STAB1: variants seen among roughly 807,000 people sequenced by gnomAD.
STAB1 encodes stabilin-1.
A neutral mutation model predicts 332.4 loss-of-function variants in STAB1; 250 were observed. The observed-to-expected ratio is 0.75, with a 90% CI of 0.68 to 0.84. The LOEUF (loss-of-function observed/expected upper bound fraction) is 0.84. Among genes scored for constraint, STAB1 ranks in the 40% least tolerant of loss-of-function variants. The probability of loss-of-function intolerance (pLI) is 0.00; values close to 1 mark genes in which losing one functional copy is unlikely to be tolerated. For synonymous variants in STAB1, 1,475 were observed against 1,390.4 expected, an observed-to-expected ratio of 1.06 and a Z score of -1.35; for missense variants, 3,249 against 3,489.7, an observed-to-expected ratio of 0.93 and a Z score of 1.74.
chr3:52,496,685 G>A (rs1293592118), intron 1 of STAB1, among the ~76,000 whole-genome samples: 3 of 152,222 alleles, frequency 2.0e-5, no homozygotes, highest in African/African-American at 7.2e-5. Context: ...TTCCCCCTGT[G>A]TACCATGCAA....
chr3:52,515,414 C>G lies in STAB1; in HGVS notation c.3865-9C>G. On this transcript the variant is annotated splice_polypyrimidine_tract_variant and intron_variant, in intron 36 of 68. Transcript: ENST00000321725. ...CTGGCTGACCCCTCCTGCCTGTCCC[C>G]GTTTCCAGGACACACCCAGGAAGAG... 1 of 1,612,630 alleles carries G rather than the reference C, an allele frequency of 6.2e-7. No individual in the cohort carries two copies. The highest frequency in any genetic ancestry group is 1.3e-5 in the African/African-American group (1 of 75,062).
At position 52,522,600 on chromosome 3, in the gene STAB1, A is replaced by G. The variant is rs1315961112; in HGVS notation, c.6656A>G (p.Tyr2219Cys). The change falls in exon 61 of 69, where the codon TAT becomes TGT. Residue 2219 changes from tyrosine to cysteine, a missense_variant. Physicochemically the swap from Tyr to Cys is radical, Grantham distance 194. Coordinates refer to ENST00000321725, the MANE Select transcript of STAB1 (RefSeq NM_015136.3). Reference sequence around the variant, plus strand: ...CACCTCCAGGCCACCAGCGGCCCTTATGGTCTGAACTTTTCGGAGGCTGAG... The same window carrying G: ...CACCTCCAGGCCACCAGCGGCCCTTGTGGTCTGAACTTTTCGGAGGCTGAG... ...VFHLQATSGP[Y>C]GLNFSEAEAA... 4 of 1,612,960 alleles carry G rather than the reference A, an allele frequency of 2.5e-6. No individual in the cohort carries two copies. Among genetic ancestry groups the G allele is most frequent in the Non-Finnish European group, 3.4e-6 (4 of 1,180,008 alleles).
chr3:52,517,786 C>A (rs2078923939), intron 44 of STAB1, 95 bp from the exon 45 acceptor site: 2 of 1,590,934 alleles, frequency 1.3e-6, no homozygotes, highest in Non-Finnish European at 1.7e-6. Flanking sequence ...ATCTGGGGGG[C>A]TGAGCAGGGG....
chr3:52,511,559 G>A, intron 25 of STAB1, 91 bp from the exon 26 acceptor site: 2 of 1,233,802 alleles, frequency 1.6e-6, no homozygotes, highest in East Asian at 2.6e-5. Flanking sequence ...AGACCTCCCT[G>A]GGGGCAGTGA....
intron 14 of STAB1, 89 bp downstream of exon 14, chr3:52,505,470 TGGG>T: frequency 7.0e-7 from 1 of 1,427,156 alleles, no homozygotes; most frequent in South Asian, 1.2e-5. Flanking sequence ...CACAGTGACC[TGGG>T]GTTCTGAAGT....
chr3:52,499,759 C>A (rs1167860270), intron 1 of STAB1, among the ~76,000 whole-genome samples: 2 of 151,232 alleles, frequency 1.3e-5, no homozygotes, highest in African/African-American at 4.9e-5. Flanking sequence ...ATTAGCCGGG[C>A]GTAGTGGCGG....
chr3:52,496,200 T>G (rs1708010903), intron 1 of STAB1, among the ~76,000 whole-genome samples: 1 of 152,218 alleles, frequency 6.6e-6, no homozygotes, highest in Non-Finnish European at 1.5e-5. Flanking sequence ...GGTCCTGGTA[T>G]GCAGCCACAG....
chr3:52,507,750 G>A, intron 19 of STAB1, 75 bp downstream of exon 19: 1 of 1,581,012 alleles, frequency 6.3e-7, no homozygotes, highest in South Asian at 1.1e-5. Flanking sequence ...CACAGGGGTG[G>A]GTGGGGGAAG....
At position 52,503,012 on chromosome 3, in the gene STAB1, C is replaced by T. The variant is rs759779561; in HGVS notation, c.597C>T (p.Cys199=). The change falls in exon 7 of 69, where the codon TGC becomes TGT. Residue 199 remains cysteine, a synonymous_variant. Coordinates refer to ENST00000321725, the MANE Select transcript of STAB1 (RefSeq NM_015136.3). ...GPHCDQELPV[C]QELRCPQNTQ... ...CACTCTGCGCAGAGCTGCCCGTCTG[C>T]CAGGAGCTGCGCTGTCCCCAGAACA... 4 of 1,587,692 alleles carry T rather than the reference C, an allele frequency of 2.5e-6. No homozygotes were observed. In the East Asian group the frequency reaches 9.1e-5, roughly 36 times the overall value.
At chr3:52,496,465 C>A (rs1708033183) in intron 1 of STAB1, among the ~76,000 whole-genome samples, 1 of 152,224 alleles carries the variant, frequency 6.6e-6, no homozygotes, top group Non-Finnish European at 1.5e-5. Flanking sequence ...GGCCTAGGCC[C>A]CCTGCCACCA....
chr3:52,502,639 C>T lies in STAB1; in HGVS notation c.495C>T (p.Ser165=). 1.9e-6 allele frequency: 3 copies of T among 1,611,824 alleles called. No homozygotes were observed. The highest frequency in any genetic ancestry group is 2.7e-5 in the African/African-American group (2 of 75,038). Reference sequence around the variant, plus strand: ...TCTGTGTGTCCCTCCCAGTGTGCAGCTGTGTGCACGGAGTGTGCAACCATG... The same window carrying T: ...TCTGTGTGTCCCTCCCAGTGTGCAGTTGTGTGCACGGAGTGTGCAACCATG... ...RFGPDCQSVC[S]CVHGVCNHGP... The change falls in exon 6 of 69, where the codon AGC becomes AGT. Residue 165 remains serine (S), a synonymous_variant. Coordinates refer to ENST00000321725, the MANE Select transcript of STAB1 (RefSeq NM_015136.3).
At chr3:52,503,132 G>C in intron 7 of STAB1, 23 bp downstream of exon 7, 1 of 1,567,362 alleles carries the variant, frequency 6.4e-7, no homozygotes, top group Non-Finnish European at 8.6e-7. Context: ...TCAGAGGCCA[G>C]GGACTTCAGC....
Position 52,522,225 on chromosome 3 carries a change from G to A in STAB1, c.6460G>A (p.Gly2154Ser), listed in dbSNP as rs368134504. 1.1e-5 allele frequency: 17 copies of A among 1,612,306 alleles called. No homozygotes were observed. The highest frequency in any genetic ancestry group is 4.5e-5 in the East Asian group (2 of 44,886). Residue 2154 changes from glycine (G) to serine (S), a missense_variant, in exon 59 of 69, where the codon GGC (glycine) becomes AGC (serine). Gly to Ser is a moderately conservative substitution (Grantham distance 56). Transcript: ENST00000321725. ...CGAGCACGCCAACTGCTTGAGCACC[G>A]GCCTGGTGAGCAGGTGGGGGAACCG... ...CSEHANCLST[G>S]LNTRRCECHA... is the part of the protein sequence containing the mutation.
At position 52,523,202 on chromosome 3, in the gene STAB1, CTG is replaced by C. The variant is rs1350854207; in HGVS notation, c.7021-18_7021-17del. 6.2e-7 allele frequency: 1 copy of C among 1,612,760 alleles called. No homozygotes were observed. Among genetic ancestry groups the C allele is most frequent in the African/African-American group, 1.3e-5 (1 of 74,930 alleles). Reference sequence around the variant, plus strand: ...CCGAGGAGGGAGCCTGCTCATAGTTCTGTCTTTCCACCGTGCCAGATGCTATT... The same window carrying C: ...CCGAGGAGGGAGCCTGCTCATAGTTCTCTTTCCACCGTGCCAGATGCTATT... On this transcript the variant is annotated intron_variant, in intron 63 of 68. Transcript: ENST00000321725.
chr3:52,519,306 G>T lies in STAB1; in HGVS notation c.5077G>T (p.Asp1693Tyr), dbSNP rs199512807. Residue 1693 changes from aspartate (D) to tyrosine (Y), a missense_variant, in exon 49 of 69, where the codon GAC becomes TAC. Transcript: ENST00000321725. Reference sequence around the variant, plus strand: ...TGACTTCGCGCGCGTGGTGAGCAGCGACCATGAGGCCGTGAACGGCATCCT... The same window carrying T: ...TGACTTCGCGCGCGTGGTGAGCAGCTACCATGAGGCCGTGAACGGCATCCT... The part of the protein sequence containing the change: ...LNDFARVVSS[D>Y]HEAVNGILHF... 1.9e-5 allele frequency: 30 copies of T among 1,612,924 alleles called. No homozygotes were observed.
intron 1 of STAB1, among the ~76,000 whole-genome samples, chr3:52,498,407 G>A (rs962805688): frequency 1.3e-5 from 2 of 152,196 alleles, no homozygotes; most frequent in Admixed American, 6.5e-5. Context: ...GGCTCAGACC[G>A]CCGATGCTCC....
At position 52,517,870 on chromosome 3, in the gene STAB1, C is replaced by T. The variant is rs769388425; in HGVS notation, c.4639-11C>T. 3.1e-6 allele frequency: 5 copies of T among 1,612,078 alleles called. No individual in the cohort carries two copies. Among genetic ancestry groups the T allele is most frequent in the Non-Finnish European group, 4.2e-6 (5 of 1,179,726 alleles). ...AGCCACTGATACCTTCCTCTCCTGT[C>T]CCTGACTCAGAACAATGGAGGATGC... On this transcript the variant is annotated splice_polypyrimidine_tract_variant and intron_variant, in intron 44 of 68. Transcript: ENST00000321725.
At chr3:52,514,611 GC>G (rs1559701875) in intron 34 of STAB1, 89 bp from the exon 35 acceptor site, 23 of 1,585,624 alleles carry the variant, frequency 1.5e-5, no homozygotes, top group Middle Eastern at 1.7e-4. Flanking sequence ...GCTCCAGGGA[GC>G]CCCCCGGCCC....
chr3:52,522,482 C>G lies in STAB1; in HGVS notation c.6610+8C>G. 6.2e-7 allele frequency: 1 copy of G among 1,613,120 alleles called. No homozygotes were observed. The highest frequency in any genetic ancestry group is 1.3e-5 in the African/African-American group (1 of 75,048). On this transcript the variant is annotated splice_region_variant and intron_variant, in intron 60 of 68. Coordinates refer to ENST00000321725, the MANE Select transcript of STAB1 (RefSeq NM_015136.3). Reference sequence around the variant, plus strand: ...CTGACCTGCACTTCCAGGGTGTGTCCCCCTGCCCACTCCCAGTACCCATTT... The same window carrying G: ...CTGACCTGCACTTCCAGGGTGTGTCGCCCTGCCCACTCCCAGTACCCATTT...
Sources: gnomAD v4.1 joint callset for allele counts (sites outside exome capture counted in the v4.1 genomes callset) on GRCh38, gnomAD v4.1.1 for gene constraint, MANE v1.5 for transcripts, NCBI Gene and HGNC (gene_info 2026-07-23, HGNC 2026-07-21) for gene names.